Variants in TNC observed in about 807,000 individuals in gnomAD.
The protein encoded by TNC is tenascin.
Under a neutral mutation model 202.4 loss-of-function variants are expected in TNC, and 109 were observed. The ratio of observed to expected loss-of-function variants is 0.54; its 90% CI spans 0.46 to 0.63. The LOEUF (loss-of-function observed/expected upper bound fraction) is 0.63. Ranked by LOEUF, TNC falls within the 30% of genes least tolerant of loss-of-function variation. The pLI is 0.00. For missense variants in TNC, 2,756 were observed against 2,833.3 expected, an observed-to-expected ratio of 0.97 and a Z score of 0.62; for synonymous variants, 1,007 against 1,089.7, an observed-to-expected ratio of 0.92 and a Z score of 1.50.
In TNC at chr9:115,030,169, G is replaced by A; in HGVS notation, c.6072+85C>T. ...ATGGGGGTGTCAGAGTGCATCAGGA[G>A]GAGATCACCCTCTTCTCCTCCCCTG... On this transcript the variant is annotated intron_variant, in intron 24 of 27. Coordinates refer to ENST00000350763, the MANE Select transcript of TNC (RefSeq NM_002160.4). The A allele has an allele frequency of 2.9e-6, 4 of 1,396,716 alleles. No individual in the cohort carries two copies. In the Admixed American group the frequency reaches 8.0e-5, roughly 28 times the overall value. The allele number at this position is 1,396,716 out of a possible 1,614,324, so 86.5% of individuals were successfully genotyped here.
chr9:115,109,006 G>C (rs192959283), intron 1 of TNC, among the ~76,000 whole-genome samples: 5 of 152,304 alleles, frequency 3.3e-5, no homozygotes, highest in African/African-American at 1.2e-4. Context: ...GATCTTGACT[G>C]TATTGCTTTC....
intron 2 of TNC, among the ~76,000 whole-genome samples, chr9:115,088,787 A>G (rs1170106115): frequency 6.6e-6 from 1 of 151,978 alleles, no homozygotes; most frequent in Admixed American, 6.6e-5. Context: ...TTAGGCATTG[A>G]AACGTGGCTA....
At chr9:115,021,911 G>C (rs181134458) in intron 27 of TNC, among the ~76,000 whole-genome samples, 15 of 152,256 alleles carry the variant, frequency 9.9e-5, no homozygotes, top group African/African-American at 3.4e-4. Flanking sequence ...AGTTTGTAAA[G>C]GAGCTATCAC....
At position 115,073,657 on chromosome 9, in the gene TNC, T is replaced by C; in HGVS notation, c.3160A>G (p.Thr1054Ala). ...CTCTTGTGTCTGCCTTTCTCGGCTG[T>C]CAGGAGGACATTGTACTCCTGTCCT... ...EPGQEYNVLL[T>A]AEKGRHKSKP... Residue 1054 changes from threonine to alanine, a missense_variant, in exon 10 of 28, where the codon ACA (threonine) becomes GCA (alanine). By Grantham distance (58) the Thr-to-Ala change is moderately conservative. This residue lies in a region of TNC where 2,559 missense variants were observed against 2,546.0 expected (regional missense o/e 1.01). Transcript: ENST00000350763. 1 of 1,614,180 alleles carries C rather than the reference T, an allele frequency of 6.2e-7. No homozygotes were observed. The highest frequency in any genetic ancestry group is 8.5e-7 in the Non-Finnish European group (1 of 1,180,012).
rs758154743 is a variant in TNC at position 115,048,483 on chromosome 9, G to T, written c.4629C>A (p.Tyr1543Ter). The change falls in exon 16 of 28, where the codon TAC becomes TAA. Residue 1543 changes from tyrosine (Y) to a stop codon, truncating the protein, a stop_gained. Transcript: ENST00000350763. LOFTEE classifies it high-confidence loss of function. ...ATGCCATCCAGGAAACTGTGAACCC[G>T]TAGGGATTAATGTCGGAAATGGTTA... ...ENLTISDINP[Y>*]GFTVSWMASE... The T allele has an allele frequency of 6.2e-7, 1 of 1,613,838 alleles. No individual in the cohort carries two copies. Among genetic ancestry groups the T allele is most frequent in the Non-Finnish European group, 8.5e-7 (1 of 1,179,948 alleles).
chr9:115,052,361 A>G (rs548275412), intron 15 of TNC, among the ~76,000 whole-genome samples: 11 of 152,054 alleles, frequency 7.2e-5, no homozygotes, highest in Admixed American at 2.0e-4. Flanking sequence ...AGTTAGACAG[A>G]AGGAATAAGT....
At chr9:115,054,855 T>C (rs1831983096) in intron 15 of TNC, among the ~76,000 whole-genome samples, 1 of 152,230 alleles carries the variant, frequency 6.6e-6, no homozygotes, top group African/African-American at 2.4e-5. Context: ...CCTGAGACTT[T>C]GTGACAGCTA....
In TNC at chr9:115,082,824, A is replaced by C; in HGVS notation, c.2132-17T>G. On this transcript the variant is annotated splice_polypyrimidine_tract_variant and intron_variant, in intron 4 of 27. Coordinates refer to ENST00000350763, the MANE Select transcript of TNC (RefSeq NM_002160.4). ...CAGGTAAGTCTGTAAGTAACAACATAAATAGAACGTAAGGATAGGGCAGGT... is the reference window on the plus strand; with the variant it reads ...CAGGTAAGTCTGTAAGTAACAACATCAATAGAACGTAAGGATAGGGCAGGT... 2 of 1,571,078 alleles carry C rather than the reference A, an allele frequency of 1.3e-6. No homozygotes were observed. Among genetic ancestry groups the C allele is most frequent in the Non-Finnish European group, 1.8e-6 (2 of 1,140,898 alleles).
intron 25 of TNC, among the ~76,000 whole-genome samples, chr9:115,027,456 G>A (rs1460759963): frequency 1.3e-5 from 2 of 152,022 alleles, no homozygotes; most frequent in Non-Finnish European, 2.9e-5. Flanking sequence ...AGGGCATGGT[G>A]GAGGGTGCCT....
At chr9:115,039,322 A>G (rs1425432032) in intron 19 of TNC, among the ~76,000 whole-genome samples, 1 of 152,218 alleles carries the variant, frequency 6.6e-6, no homozygotes, top group Admixed American at 6.5e-5. Context: ...CTGTTTAGTT[A>G]ATAAAGACTA....
chr9:115,091,276 A>G (rs1419742894), intron 1 of TNC, 122 bp from the exon 2 acceptor site: 3 of 472,798 alleles, frequency 6.3e-6, no homozygotes, highest in Non-Finnish European at 1.1e-5. Context: ...ATAATTTTTC[A>G]TTATATACCC....
At chr9:115,035,117 A>G (rs1236102003) in intron 22 of TNC, 87 bp downstream of exon 22, 14 of 1,458,132 alleles carry the variant, frequency 9.6e-6, no homozygotes, top group Non-Finnish European at 1.3e-5. Context: ...CTGGGGTAGA[A>G]AAACAGCATC....
intron 17 of TNC, among the ~76,000 whole-genome samples, chr9:115,044,384 G>GACACACACAC (rs113847516): frequency 5.4e-4 from 79 of 147,218 alleles, no homozygotes; most frequent in East Asian, 3.9e-3. Context: ...CAGGCATGTA[G>GACACACACAC]ACACACACAC....
At chr9:115,082,669 A>G (rs746019296) in intron 5 of TNC, 23 bp downstream of exon 5, 2 of 1,508,964 alleles carry the variant, frequency 1.3e-6, no homozygotes, top group Non-Finnish European at 1.8e-6. Flanking sequence ...GATCAAATGG[A>G]TCTGCTCTTT....
At position 115,021,160 on chromosome 9, in the gene TNC, T is replaced by C; in HGVS notation, c.6603A>G (p.Ala2201=). 1.9e-6 allele frequency: 3 copies of C among 1,613,386 alleles called. No individual in the cohort carries two copies. The highest frequency in any genetic ancestry group is 8.5e-7 in the Non-Finnish European group (1 of 1,179,374). The part of the protein sequence containing the change: ...FRNLEGRRKR[A] Reference sequence around the variant, plus strand: ...CTCACCCAGTGGTCCCTGGAATTTATGCCCGTTTGCGCCTGCCTTCAAGAT... The same window carrying C: ...CTCACCCAGTGGTCCCTGGAATTTACGCCCGTTTGCGCCTGCCTTCAAGAT... The change falls in exon 28 of 28, where the codon GCA becomes GCG. Residue 2201 remains alanine (A), a synonymous_variant. Transcript: ENST00000350763.
At chr9:115,051,663 ATTT>A (rs1042562075) in intron 15 of TNC, among the ~76,000 whole-genome samples, 1 of 150,254 alleles carries the variant, frequency 6.7e-6, no homozygotes, top group Admixed American at 6.7e-5. Flanking sequence ...AAGAATAATT[ATTT>A]TTTAAAGAAA....
In TNC at chr9:115,053,769, T is replaced by C. The variant is rs547552291; in HGVS notation, c.4579+3384A>G. Among the ~76,000 whole-genome samples, 14 of 152,344 alleles carry C rather than the reference T, an allele frequency of 9.2e-5. No homozygotes were observed. In the East Asian group the frequency reaches 2.5e-3, roughly 27 times the overall value. ...ATGCATTGTAGGAAAATCTATATTT[T>C]ACCATTTAATACCGTAAAGGTGAAG... is the stretch of plus-strand genomic sequence containing the variant. On this transcript the variant is annotated intron_variant, in intron 15 of 27. Coordinates refer to ENST00000350763, the MANE Select transcript of TNC (RefSeq NM_002160.4).
rs553438060 is a variant in TNC, at chr9:115,024,202, G to C, written c.6332-66C>G. The C allele has an allele frequency of 3.6e-5, 56 of 1,540,956 alleles. No homozygotes were observed. The African/African-American group carries it at 7.3e-4, about 20-fold the overall frequency. On this transcript the variant is annotated intron_variant, in intron 26 of 27. Coordinates refer to ENST00000350763, the MANE Select transcript of TNC (RefSeq NM_002160.4). ...GAAATTTCCCTCCTGGACAGTAAAG[G>C]GCAGAACCAGAGGTGACAATTGAAA...
At chr9:115,108,685 C>G (rs567561666) in intron 1 of TNC, among the ~76,000 whole-genome samples, 1 of 152,272 alleles carries the variant, frequency 6.6e-6, no homozygotes, top group East Asian at 1.9e-4. Context: ...CCTCAAAATC[C>G]ACACATTGGA....
Sources: gnomAD v4.1 joint callset for allele counts (sites outside exome capture counted in the v4.1 genomes callset) on GRCh38, gnomAD v4.1.1 for gene constraint, gnomAD v4.1.1 regional missense constraint, MANE v1.5 for transcripts, NCBI Gene and HGNC (gene_info 2026-07-23, HGNC 2026-07-21) for gene names.